The following ADARB1 variants were observed in gnomAD, a reference collection of about 807,000 sequenced individuals.
ADARB1 encodes the protein double-stranded RNA-specific editase 1.
ADARB1 carries 10 observed loss-of-function variants against 52.4 expected under a neutral mutation model. The observed-to-expected ratio is 0.19, with a 90% confidence interval of 0.12 to 0.32. The LOEUF is 0.32. ADARB1 is among the 10% of genes least tolerant of loss of function. The probability of loss-of-function intolerance (pLI) is 1.00; values close to 1 mark genes in which losing one functional copy is unlikely to be tolerated. For synonymous variants in ADARB1, 349 were observed against 371.1 expected (o/e 0.94, Z 0.68); for missense variants, 643 against 922.3 (o/e 0.70, Z 3.92).
chr21:45,201,805 AG>A (rs1245370205), intron 8 of ADARB1, among the ~76,000 whole-genome samples: 1 of 151,830 alleles, frequency 6.6e-6, no homozygotes, highest in East Asian at 1.9e-4. Context: ...GCGGCAGGGA[AG>A]GGAGACCTCA....
intron 2 of ADARB1, chr21:45,144,969 T>C (rs2089935771): frequency 5.6e-6 from 1 of 179,106 alleles, no homozygotes; most frequent in Non-Finnish European, 1.2e-5. Flanking sequence ...GAAGGTAAAA[T>C]ATATGTAAAT....
chr21:45,220,941 A>C lies in ADARB1; in HGVS notation c.1853A>C (p.Lys618Thr), dbSNP rs988107349. Reference protein sequence around the residue: ...AIEVINATTGKDELGRASRLC... With the variant: ...AIEVINATTGTDELGRASRLC... ...GAGGTCATCAACGCCACGACTGGGA[A>C]GGATGAGCTGGGCCGCGCGTCCCGC... The change falls in exon 10 of 11, where the codon AAG (lysine) becomes ACG (threonine). Residue 618 changes from lysine to threonine, a missense_variant. Around this residue, in one of 2 missense-constraint regions of ADARB1, gnomAD observed 263 missense variants for 475.8 expected, o/e 0.55. Transcript: ENST00000348831. This position sits in a 1 kb window ranked among gnomAD's most constrained non-coding sequence, Gnocchi z 6.3. 3 of 1,613,326 alleles carry C rather than the reference A, an allele frequency of 1.9e-6. No homozygotes were observed. The African/African-American group carries it at 4.0e-5, about 22-fold the overall frequency.
Position 45,222,198 on chromosome 21 carries a change from C to A in ADARB1, c.*1C>A. ...GGACCAGTTCTCACTCACGCCCTGACCCGGGCAGACATGATGGGGGGTGCA... is the reference window on the plus strand; with the variant it reads ...GGACCAGTTCTCACTCACGCCCTGAACCGGGCAGACATGATGGGGGGTGCA... On this transcript the variant is annotated 3_prime_UTR_variant, in exon 11 of 11. Transcript: ENST00000348831. The A allele has an allele frequency of 6.4e-7, 1 of 1,560,488 alleles. No homozygotes were observed.
chr21:45,170,660 T>G (rs2091444286), intron 2 of ADARB1, among the ~76,000 whole-genome samples: 1 of 152,024 alleles, frequency 6.6e-6, no homozygotes. Flanking sequence ...AGTCACCATT[T>G]TCTAAGAGCA....
At chr21:45,109,432 G>GT (rs1265842885) in intron 1 of ADARB1, among the ~76,000 whole-genome samples, 1 of 152,226 alleles carries the variant, frequency 6.6e-6, no homozygotes, top group African/African-American at 2.4e-5. Context: ...TTTGTAGGCT[G>GT]TTTTTCTGTG....
rs563167596 is a variant in ADARB1, at chr21:45,077,753, G to A, written c.-220+2960G>A. On this transcript the variant is annotated intron_variant, in intron 1 of 10. Coordinates refer to ENST00000348831, the MANE Select transcript of ADARB1 (RefSeq NM_001112.4). ...GGAATTTCTAAATCTGTAATTTGGTGTGATGGAAATGGTGTTAAAAAAAAA... is the reference window on the plus strand; with the variant it reads ...GGAATTTCTAAATCTGTAATTTGGTATGATGGAAATGGTGTTAAAAAAAAA... 3.9e-5 allele frequency among the ~76,000 whole-genome samples: 6 copies of A among 152,118 alleles called. No homozygotes were observed. In the East Asian group the frequency reaches 1.2e-3, roughly 29 times the overall value.
intron 1 of ADARB1, among the ~76,000 whole-genome samples, chr21:45,101,429 G>A (rs1052177510): frequency 1.3e-5 from 2 of 152,210 alleles, no homozygotes; most frequent in African/African-American, 4.8e-5. Context: ...CCCTTCTTTC[G>A]CGGCACGTGG....
At chr21:45,163,890 G>A (rs2091112709) in intron 2 of ADARB1, among the ~76,000 whole-genome samples, 1 of 152,192 alleles carries the variant, frequency 6.6e-6, no homozygotes, top group Admixed American at 6.5e-5. Context: ...TGCTCCTGTA[G>A]ACTCAGAGTA....
chr21:45,152,224 G>T (rs768601067), intron 2 of ADARB1, among the ~76,000 whole-genome samples: 16 of 152,228 alleles, frequency 1.1e-4, no homozygotes, highest in South Asian at 4.1e-4. Flanking sequence ...TTTATTGATA[G>T]ATTTTTTGTA....
At chr21:45,087,347 A>T (rs1486524154) in intron 1 of ADARB1, among the ~76,000 whole-genome samples, 1 of 152,190 alleles carries the variant, frequency 6.6e-6, no homozygotes, top group African/African-American at 2.4e-5. Context: ...GACCTCTGTG[A>T]ATTGGTTTGA....
chr21:45,074,614 G>T lies in ADARB1; in HGVS notation c.-399G>T. On this transcript the variant is annotated 5_prime_UTR_variant, in exon 1 of 11. Coordinates refer to ENST00000348831, the MANE Select transcript of ADARB1 (RefSeq NM_001112.4). Reference sequence around the variant, plus strand: ...AGGCGGCCGTGGCGGCGGCGGCGGCGGCGGCGGCAGCGGCGGCCAAGCGGC... The same window carrying T: ...AGGCGGCCGTGGCGGCGGCGGCGGCTGCGGCGGCAGCGGCGGCCAAGCGGC... 6.7e-6 allele frequency: 1 copy of T among 149,478 alleles called. No individual in the cohort carries two copies. The highest frequency in any genetic ancestry group is 1.5e-5 in the Non-Finnish European group (1 of 68,434). The allele number at this position is 149,478 out of a possible 1,614,324, so 9.3% of individuals were successfully genotyped here.
chr21:45,170,674 A>G (rs1324324937), intron 2 of ADARB1, among the ~76,000 whole-genome samples: 1 of 152,036 alleles, frequency 6.6e-6, no homozygotes, highest in African/African-American at 2.4e-5. Context: ...AAGAGCAATG[A>G]ATTTGCCTTT....
chr21:45,095,185 T>C (rs2086707480), intron 1 of ADARB1, among the ~76,000 whole-genome samples: 2 of 152,266 alleles, frequency 1.3e-5, no homozygotes, highest in East Asian at 1.9e-4. Flanking sequence ...CCTGGCATCC[T>C]TCTGGCTCAG....
chr21:45,106,037 T>TACCCTG (rs1414514523), intron 1 of ADARB1, among the ~76,000 whole-genome samples: 2 of 152,246 alleles, frequency 1.3e-5, no homozygotes, highest in Non-Finnish European at 2.9e-5. Flanking sequence ...AAGAACAAGC[T>TACCCTG]ACCCTGATGT....
intron 1 of ADARB1, among the ~76,000 whole-genome samples, chr21:45,120,432 T>G (rs2145793335): frequency 6.6e-6 from 1 of 152,378 alleles, no homozygotes; most frequent in African/African-American, 2.4e-5. Flanking sequence ...AACTGTCGAT[T>G]GAATGCCTGC....
chr21:45,118,011 A>G (rs1202328633), intron 1 of ADARB1, among the ~76,000 whole-genome samples: 1 of 152,254 alleles, frequency 6.6e-6, no homozygotes, highest in Non-Finnish European at 1.5e-5. Context: ...AAACATTTGT[A>G]GTGTTTCCCA....
At chr21:45,179,447 GAAACT>G (rs2146183894) in intron 4 of ADARB1, among the ~76,000 whole-genome samples, 1 of 152,340 alleles carries the variant, frequency 6.6e-6, no homozygotes, top group East Asian at 1.9e-4. Flanking sequence ...GACATGAGTT[GAAACT>G]GGCTCTTAAC....
At chr21:45,091,696 A>G (rs980793057) in intron 1 of ADARB1, among the ~76,000 whole-genome samples, 1 of 152,160 alleles carries the variant, frequency 6.6e-6, no homozygotes, top group Non-Finnish European at 1.5e-5. Flanking sequence ...GCATTGCCAC[A>G]TGTTTGCTCA....
At position 45,128,229 on chromosome 21, in the gene ADARB1, CG is replaced by C. The variant is rs1353020793; in HGVS notation, c.-219-172del. The stretch of plus-strand genomic sequence containing the variant: ...AGACGGACGGAGACGTGATGGATTG[CG>C]CATATCCCCTTTACAGATTCGGAAG... On this transcript the variant is annotated intron_variant, in intron 1 of 10. Coordinates refer to ENST00000348831, the MANE Select transcript of ADARB1 (RefSeq NM_001112.4). This position sits in a 1 kb window ranked among gnomAD's most constrained non-coding sequence, Gnocchi z 4.6. Among the ~76,000 whole-genome samples, 3 of 152,208 alleles carry C rather than the reference CG, an allele frequency of 2.0e-5. No homozygotes were observed. The highest frequency in any genetic ancestry group is 7.2e-5 in the African/African-American group (3 of 41,444).
Sources: allele counts gnomAD v4.1 joint callset (sites outside exome capture counted in the v4.1 genomes callset), GRCh38; gene constraint gnomAD v4.1.1; regional missense constraint gnomAD v4.1.1; non-coding constraint Gnocchi (gnomAD v3.1); transcripts MANE v1.5; gene names NCBI Gene and HGNC (gene_info 2026-07-23, HGNC 2026-07-21).